SFMBT2: variants seen among roughly 807,000 people sequenced by gnomAD.
SFMBT2 encodes scm-like with four MBT domains protein 2.
A neutral mutation model predicts 110.1 loss-of-function variants in SFMBT2; 38 were observed. The observed-to-expected ratio is 0.35, with a 90% confidence interval of 0.27 to 0.45. The LOEUF (loss-of-function observed/expected upper bound fraction) is 0.45. Ranked by LOEUF, SFMBT2 falls within the 20% of genes least tolerant of loss-of-function variation. The pLI is 1.00. For missense variants in SFMBT2, 1,011 were observed against 1,094.9 expected (o/e 0.92, Z 1.08); for synonymous variants, 425 against 425.4 (o/e 1.00, Z 0.01).
At chr10:7,260,067 A>G (rs1438267025) in intron 7 of SFMBT2, among the ~76,000 whole-genome samples, 3 of 152,224 alleles carry the variant, frequency 2.0e-5, no homozygotes, top group Non-Finnish European at 4.4e-5. Flanking sequence ...CTTTGCATGC[A>G]CAGGACAATA....
chr10:7,400,961 C>T (rs1469377736), intron 1 of SFMBT2, among the ~76,000 whole-genome samples: 9 of 152,160 alleles, frequency 5.9e-5, no homozygotes, highest in Admixed American at 1.3e-4. Context: ...GGTGAAACCC[C>T]GTCTCTACTA....
chr10:7,294,660 T>C (rs554150188), intron 4 of SFMBT2, among the ~76,000 whole-genome samples: 1 of 152,162 alleles, frequency 6.6e-6, no homozygotes, highest in South Asian at 2.1e-4. Context: ...ATTTTTGTAA[T>C]ATTGTTACTC....
At chr10:7,202,438 T>C (rs768583597) in intron 13 of SFMBT2, 42 bp downstream of exon 13, 1 of 1,613,152 alleles carries the variant, frequency 6.2e-7, no homozygotes, top group East Asian at 2.2e-5. Flanking sequence ...CACTACAGTT[T>C]ATCGGTATAC....
At chr10:7,240,750 C>T (rs1332995907) in intron 9 of SFMBT2, among the ~76,000 whole-genome samples, 1 of 152,140 alleles carries the variant, frequency 6.6e-6, no homozygotes, top group Non-Finnish European at 1.5e-5. Context: ...ATCTGTGTTT[C>T]TCTTATTATG....
chr10:7,352,266 G>C (rs1471426474), intron 4 of SFMBT2, among the ~76,000 whole-genome samples: 1 of 152,214 alleles, frequency 6.6e-6, no homozygotes, highest in Non-Finnish European at 1.5e-5. Flanking sequence ...GCCAGGGTCA[G>C]GTCAGTGCCT....
At chr10:7,254,008 C>T (rs573793523) in intron 7 of SFMBT2, among the ~76,000 whole-genome samples, 10 of 152,262 alleles carry the variant, frequency 6.6e-5, no homozygotes, top group African/African-American at 9.6e-5. Context: ...CGTTTTACTG[C>T]AAGAGCGTGA....
At chr10:7,357,964 T>C (rs1278323807) in intron 4 of SFMBT2, among the ~76,000 whole-genome samples, 1 of 151,490 alleles carries the variant, frequency 6.6e-6, no homozygotes, top group African/African-American at 2.4e-5. Flanking sequence ...GGCCCCGGAA[T>C]GAATGGAGGC....
Position 7,171,674 on chromosome 10 carries a change from G to T in SFMBT2, c.2415+221C>A, listed in dbSNP as rs1837875073. The T allele has an allele frequency of 1.3e-6, 1 of 766,474 alleles. No homozygotes were observed. The highest frequency in any genetic ancestry group is 1.6e-6 in the Non-Finnish European group (1 of 630,188). The allele number at this position is 766,474 out of a possible 1,614,324, so 47.5% of individuals were successfully genotyped here. A position where few individuals can be genotyped will look rare whatever the true frequency, so the allele number is the denominator to read the frequency against. On this transcript the variant is annotated intron_variant, in intron 19 of 20. Coordinates refer to ENST00000397167, the MANE Select transcript of SFMBT2 (RefSeq NM_001387889.1). This position sits in a 1 kb window ranked among gnomAD's most constrained non-coding sequence, Gnocchi z 4.9. ...GGTGGCACTAAAGCCGTCCAGGAAA[G>T]AGGCGCTGTCTCCACCCTGGGCACT...
chr10:7,380,536 G>A (rs1366936079), intron 2 of SFMBT2, among the ~76,000 whole-genome samples: 1 of 152,196 alleles, frequency 6.6e-6, no homozygotes, highest in Non-Finnish European at 1.5e-5. Context: ...CCATGGTCAA[G>A]TGACCTGCTA....
intron 7 of SFMBT2, among the ~76,000 whole-genome samples, chr10:7,269,401 C>T (rs193205343): frequency 1.7e-4 from 26 of 152,260 alleles, no homozygotes; most frequent in African/African-American, 5.8e-4. Context: ...ATCCCCCCAA[C>T]GTGAGCAACC....
intron 2 of SFMBT2, among the ~76,000 whole-genome samples, chr10:7,373,291 G>C (rs145280121): frequency 6.6e-6 from 1 of 152,128 alleles, no homozygotes; most frequent in Admixed American, 6.5e-5. Flanking sequence ...CCAAGAGCGG[G>C]AACAGCCTGA....
intron 7 of SFMBT2, among the ~76,000 whole-genome samples, chr10:7,269,262 T>G (rs1841495738): frequency 1.3e-5 from 2 of 152,002 alleles, no homozygotes. Context: ...TAAATAACAG[T>G]AGAAATAATA....
chr10:7,271,652 G>T (rs901476222), intron 7 of SFMBT2, among the ~76,000 whole-genome samples: 1 of 152,120 alleles, frequency 6.6e-6, no homozygotes. Context: ...AACAAAATAG[G>T]TATGCATTAG....
rs183428891 is a variant in SFMBT2, at chr10:7,381,688, C to T, written c.100+111G>A. The T allele has an allele frequency of 2.2e-3, 2,631 of 1,183,230 alleles. 2 individuals are homozygous for T. Among genetic ancestry groups the T allele is most frequent in the Non-Finnish European group, 2.7e-3 (2,327 of 848,738 alleles). 73.3% of individuals were successfully genotyped at this position (1,183,230 alleles called of 1,614,324 possible). A position where few individuals can be genotyped will look rare whatever the true frequency, so the allele number is the denominator to read the frequency against. ...AAATAGGACTTCAAATCCCAGGAAC[C>T]AGACAGTATGTGAGATCTACAAATG... On this transcript the variant is annotated intron_variant, in intron 2 of 20. Transcript: ENST00000397167.
chr10:7,169,860 A>C (rs1054487847), intron 20 of SFMBT2, among the ~76,000 whole-genome samples: 2 of 152,210 alleles, frequency 1.3e-5, no homozygotes, highest in African/African-American at 2.4e-5. Flanking sequence ...TACTCATTTC[A>C]TCTGCTGGAC....
chr10:7,392,168 G>A (rs1845786039), intron 1 of SFMBT2, among the ~76,000 whole-genome samples: 1 of 152,126 alleles, frequency 6.6e-6, no homozygotes, highest in African/African-American at 2.4e-5. Flanking sequence ...TTACTAGCAG[G>A]GCAGGAGAAA....
intron 4 of SFMBT2, among the ~76,000 whole-genome samples, chr10:7,333,228 G>A (rs992451141): frequency 2.0e-5 from 3 of 152,094 alleles, no homozygotes; most frequent in African/African-American, 7.2e-5. Context: ...TGAGAGATAA[G>A]GAAAAATAGA....
chr10:7,249,995 T>C (rs1303251325), intron 7 of SFMBT2, among the ~76,000 whole-genome samples: 2 of 152,178 alleles, frequency 1.3e-5, no homozygotes, highest in African/African-American at 4.8e-5. Context: ...TCTAAATATT[T>C]ACAAATTCCT....
chr10:7,309,328 T>C (rs1241707817), intron 4 of SFMBT2, among the ~76,000 whole-genome samples: 2 of 152,230 alleles, frequency 1.3e-5, no homozygotes, highest in African/African-American at 4.8e-5. Context: ...ACATAATCCA[T>C]GTCAGAGATT....
Sources: gnomAD v4.1 joint callset for allele counts (sites outside exome capture counted in the v4.1 genomes callset) on GRCh38, gnomAD v4.1.1 for gene constraint, Gnocchi (gnomAD v3.1) non-coding constraint, MANE v1.5 for transcripts, NCBI Gene and HGNC (gene_info 2026-07-23, HGNC 2026-07-21) for gene names.